LAMA3: variants seen among roughly 807,000 people sequenced by gnomAD.
LAMA3 encodes the protein laminin subunit alpha-3.
LAMA3 carries 281 observed loss-of-function variants against 402.0 expected under a neutral mutation model. That is an observed-to-expected ratio of 0.70 (90% CI 0.63 to 0.77). LAMA3 has a LOEUF of 0.77. Ranked by LOEUF, LAMA3 falls within the 30% of genes least tolerant of loss-of-function variation. The pLI, the probability that LAMA3 is intolerant of heterozygous loss-of-function variation, is 0.00. For synonymous variants in LAMA3, 1,431 were observed against 1,558.4 expected, an observed-to-expected ratio of 0.92 and a Z score of 1.93; for missense variants, 3,840 against 4,215.5, an observed-to-expected ratio of 0.91 and a Z score of 2.47.
Position 23,864,853 on chromosome 18 carries a change from T to C in LAMA3, c.4653T>C (p.Leu1551=). Residue 1551 remains leucine (L), a synonymous_variant, in exon 36 of 75, where the codon CTT becomes CTC. Transcript: ENST00000313654. The part of the protein sequence containing the change: ...KSFGLPGDMV[L]LEKKPDVQLT... ...TTGGCTTGCCTGGCGACATGGTTCT[T>C]CTGGAAAAGAAGCCGGATGTACAGC... is the stretch of plus-strand genomic sequence containing the variant. 1 of 1,613,696 alleles carries C rather than the reference T, an allele frequency of 6.2e-7. No individual in the cohort carries two copies. Among genetic ancestry groups the C allele is most frequent in the Non-Finnish European group, 8.5e-7 (1 of 1,179,726 alleles).
Position 23,916,625 on chromosome 18 carries a change from C to G in LAMA3, c.7853C>G (p.Pro2618Arg). 3.7e-6 allele frequency: 6 copies of G among 1,614,086 alleles called. No individual in the cohort carries two copies. The highest frequency in any genetic ancestry group is 5.1e-6 in the Non-Finnish European group (6 of 1,179,978). Residue 2618 changes from proline to arginine, a missense_variant, in exon 60 of 75, where the codon CCC becomes CGC. Pro to Arg is a moderately radical substitution (Grantham distance 103). Transcript: ENST00000313654. ...YARVPTQPHA[P>R]IPTFGQTIQT... is the part of the protein sequence containing the mutation. ...CGAGTTCCAACTCAACCACATGCTC[C>G]CATCCCAACCTTTGGACAGACAATT...
At chr18:23,951,534 T>C (rs2082909112) in intron 72 of LAMA3, 150 bp from the exon 73 acceptor site, 1 of 660,904 alleles carries the variant, frequency 1.5e-6, no homozygotes, top group Non-Finnish European at 2.8e-6. Context: ...TTGGACCCCA[T>C]GTGGTCAAAT....
intron 49 of LAMA3, 67 bp downstream of exon 49, chr18:23,903,192 A>T: frequency 1.0e-6 from 1 of 984,050 alleles, no homozygotes; most frequent in African/African-American, 1.6e-5. Context: ...GAAAACAATG[A>T]AATGGGCTGA....
At chr18:23,950,811 T>G (rs562521797) in intron 72 of LAMA3, among the ~76,000 whole-genome samples, 1 of 152,200 alleles carries the variant, frequency 6.6e-6, no homozygotes, top group East Asian at 1.9e-4. Flanking sequence ...TAGTCTTTAA[T>G]TAAGTCTGAG....
chr18:23,818,797 A>G (rs1340708137), intron 18 of LAMA3, among the ~76,000 whole-genome samples: 1 of 152,140 alleles, frequency 6.6e-6, no homozygotes, highest in African/African-American at 2.4e-5. Flanking sequence ...CACATTCATT[A>G]CTTCACATCA....
At chr18:23,807,818 G>T (rs1411834120) in intron 12 of LAMA3, among the ~76,000 whole-genome samples, 1 of 152,164 alleles carries the variant, frequency 6.6e-6, no homozygotes, top group Admixed American at 6.5e-5. Flanking sequence ...ATCTAGACTA[G>T]TGTTTGACCA....
At chr18:23,912,606 C>T (rs1482320506) in intron 55 of LAMA3, 105 bp from the exon 56 acceptor site, 1 of 918,658 alleles carries the variant, frequency 1.1e-6, no homozygotes, top group African/African-American at 1.6e-5. Context: ...ATCATAACAA[C>T]TCAGGAAAGG....
chr18:23,849,461 G>C (rs2063896393), intron 32 of LAMA3, among the ~76,000 whole-genome samples: 1 of 152,216 alleles, frequency 6.6e-6, no homozygotes, highest in Admixed American at 6.5e-5. Flanking sequence ...AGGAAGAGAA[G>C]CAGTAGAGTT....
rs562958565 is a variant in LAMA3, at chr18:23,713,177, C to T, written c.295-743C>T. On this transcript the variant is annotated intron_variant, in intron 1 of 74. Transcript: ENST00000313654. ...ACTTACTGAATTAATACTGACTTCT[C>T]AGTGCTGGTATTCACAGCCAGCCAC... is the stretch of plus-strand genomic sequence containing the variant. Among the ~76,000 whole-genome samples, 8 of 152,306 alleles carry T rather than the reference C, an allele frequency of 5.3e-5. No homozygotes were observed. The South Asian group carries it at 1.0e-3, about 20-fold the overall frequency.
Position 23,846,411 on chromosome 18 carries a change from C to T in LAMA3, c.3834C>T (p.Cys1278=). 5 of 1,614,062 alleles carry T rather than the reference C, an allele frequency of 3.1e-6. No individual in the cohort carries two copies. Among genetic ancestry groups the T allele is most frequent in the Non-Finnish European group, 8.5e-7 (1 of 1,180,046 alleles). The change falls in exon 31 of 75, where the codon TGC becomes TGT. Residue 1278 remains cysteine, a synonymous_variant. Transcript: ENST00000313654. Reference sequence around the variant, plus strand: ...CCACTGGGGCCACCGGCCCTCACTGCAGCCCTGAGGGTGGGCAGTGCCCAT... The same window carrying T: ...CCACTGGGGCCACCGGCCCTCACTGTAGCCCTGAGGGTGGGCAGTGCCCAT... ...CHPTGATGPH[C]SPEGGQCPCQ...
chr18:23,889,710 G>A (rs113214620), intron 41 of LAMA3, among the ~76,000 whole-genome samples: 2,723 of 86,004 alleles, frequency 0.032, 97 homozygotes, highest in African/African-American at 0.1. Context: ...GGGAGGAAGG[G>A]AGGAAGGAAG....
intron 12 of LAMA3, among the ~76,000 whole-genome samples, chr18:23,793,249 G>A (rs907674633): frequency 2.0e-5 from 3 of 152,078 alleles, no homozygotes; most frequent in African/African-American, 7.2e-5. Context: ...AGGTGGTGGG[G>A]CCATGCTCTG....
chr18:23,798,246 A>ACATG (rs1436562243), intron 12 of LAMA3, among the ~76,000 whole-genome samples: 2 of 152,190 alleles, frequency 1.3e-5, no homozygotes, highest in East Asian at 3.9e-4. Context: ...GAATGCGGAA[A>ACATG]CGGGTGGTCC....
intron 12 of LAMA3, among the ~76,000 whole-genome samples, chr18:23,786,247 TATGTG>T (rs1237346480): frequency 6.6e-6 from 1 of 152,194 alleles, no homozygotes; most frequent in Non-Finnish European, 1.5e-5. Context: ...GATCTACCCA[TATGTG>T]TTGCCAAGAA....
In LAMA3 at chr18:23,815,553, G is replaced by A. The variant is rs2063159795; in HGVS notation, c.2027G>A (p.Ser676Asn). 1.2e-6 allele frequency: 2 copies of A among 1,613,724 alleles called. No homozygotes were observed. The highest frequency in any genetic ancestry group is 1.7e-5 in the Admixed American group (1 of 60,000). The change falls in exon 17 of 75, where the codon AGC becomes AAC. Residue 676 changes from serine to asparagine, a missense_variant. Around this residue, in one of 3 missense-constraint regions of LAMA3, gnomAD observed 2,109 missense variants for 2,376.0 expected, o/e 0.89. Coordinates refer to ENST00000313654, the MANE Select transcript of LAMA3 (RefSeq NM_198129.4). The part of the protein sequence containing the change: ...CEDGYFALEK[S>N]NYFGCQGCQC... ...GATGGATATTTTGCTTTGGAAAAGAGCAATTACTTTGGGTGTCAAGGTAAA... is the reference window on the plus strand; with the variant it reads ...GATGGATATTTTGCTTTGGAAAAGAACAATTACTTTGGGTGTCAAGGTAAA...
At chr18:23,777,729 C>A in intron 11 of LAMA3, 110 bp downstream of exon 11, 2 of 847,042 alleles carry the variant, frequency 2.4e-6, no homozygotes, top group Non-Finnish European at 4.1e-6. Context: ...CTTCCTAGAG[C>A]ATGGTAGGTG....
Position 23,928,775 on chromosome 18 carries a change from A to C in LAMA3, c.8436+10A>C. 6.2e-7 allele frequency: 1 copy of C among 1,611,438 alleles called. No homozygotes were observed. Among genetic ancestry groups the C allele is most frequent in the Non-Finnish European group, 8.5e-7 (1 of 1,177,526 alleles). Reference sequence around the variant, plus strand: ...AGATCATCAGACATGGGTATGCAGTAGTGCATTAATATCAAACAAGATTTA... The same window carrying C: ...AGATCATCAGACATGGGTATGCAGTCGTGCATTAATATCAAACAAGATTTA... On this transcript the variant is annotated intron_variant, in intron 64 of 74. Transcript: ENST00000313654.
intron 73 of LAMA3, 65 bp downstream of exon 73, chr18:23,951,842 C>T (rs1329574667): frequency 2.3e-6 from 3 of 1,291,508 alleles, no homozygotes; most frequent in Admixed American, 3.7e-5. Context: ...TTGACTTGAA[C>T]ATCCCAAAGG....
At chr18:23,860,693 A>AT (rs11395191) in intron 34 of LAMA3, among the ~76,000 whole-genome samples, 102,319 of 136,794 alleles carry the variant, frequency 0.75, 38,431 homozygotes, top group African/African-American at 0.83. Flanking sequence ...TCAAAAAAAG[A>AT]TTTTTTTTTT....
Sources: gnomAD v4.1 joint callset for allele counts (sites outside exome capture counted in the v4.1 genomes callset) on GRCh38, gnomAD v4.1.1 for gene constraint, gnomAD v4.1.1 regional missense constraint, MANE v1.5 for transcripts, NCBI Gene and HGNC (gene_info 2026-07-23, HGNC 2026-07-21) for gene names.